The following SLIT2 variants were observed in gnomAD, a reference collection of about 807,000 sequenced individuals.
SLIT2 encodes the protein slit guidance ligand 2, also known as slit homolog 2 protein.
SLIT2 carries 41 observed loss-of-function variants against 185.7 expected under a neutral mutation model. The observed-to-expected ratio is 0.22, with a 90% CI of 0.17 to 0.29. The LOEUF (loss-of-function observed/expected upper bound fraction) is 0.29. Ranked by LOEUF, SLIT2 falls within the 10% of genes least tolerant of loss-of-function variation. SLIT2 has a pLI of 1.00. For missense variants in SLIT2, 1,571 were observed against 1,909.0 expected (o/e 0.82, Z 3.30); for synonymous variants, 693 against 680.2 (o/e 1.02, Z -0.29).
chr4:20,253,901 C>T lies in SLIT2; in HGVS notation c.86C>T (p.Pro29Leu), dbSNP rs377746618. The T allele has an allele frequency of 1.9e-5, 31 of 1,601,646 alleles. No individual in the cohort carries two copies. The highest frequency in any genetic ancestry group is 2.5e-5 in the Non-Finnish European group (29 of 1,179,914). ...AACAAGGTGGCACCGCAGGCGTGCC[C>T]GGCGCAGTGCTCTTGCTCGGGCAGC... ...ILNKVAPQAC[P>L]AQCSCSGSTV... is the part of the protein sequence containing the mutation. Residue 29 changes from proline (P) to leucine (L), a missense_variant, in exon 1 of 37, where the codon CCG becomes CTG. Around this residue, in one of 3 missense-constraint regions of SLIT2, gnomAD observed 1,202 missense variants for 1,416.4 expected, o/e 0.85. Coordinates refer to ENST00000504154, the MANE Select transcript of SLIT2 (RefSeq NM_004787.4).
At chr4:20,551,790 C>G (rs556198109) in intron 25 of SLIT2, among the ~76,000 whole-genome samples, 1 of 152,220 alleles carries the variant, frequency 6.6e-6, no homozygotes, top group South Asian at 2.1e-4. Context: ...TACGATTTTA[C>G]AAAATTGAGA....
chr4:20,499,950 T>C lies in SLIT2; in HGVS notation c.914+8051T>C, dbSNP rs186866401. Reference sequence around the variant, plus strand: ...GTAATATTTCAATCAGCAGAATATCTATCATGCTATGCAAGTAGTTTATTT... The same window carrying C: ...GTAATATTTCAATCAGCAGAATATCCATCATGCTATGCAAGTAGTTTATTT... On this transcript the variant is annotated intron_variant, in intron 9 of 36. Coordinates refer to ENST00000504154, the MANE Select transcript of SLIT2 (RefSeq NM_004787.4). 4.7e-4 allele frequency among the ~76,000 whole-genome samples: 71 copies of C among 152,110 alleles called. 1 individual carries two copies. Among genetic ancestry groups the C allele is most frequent in the African/African-American group, 1.4e-3 (60 of 41,554 alleles).
intron 11 of SLIT2, among the ~76,000 whole-genome samples, chr4:20,511,779 A>G (rs939868151): frequency 6.6e-6 from 1 of 151,738 alleles, no homozygotes; most frequent in African/African-American, 2.4e-5. Context: ...GAAAGCATGT[A>G]GCTAGTATCT....
intron 4 of SLIT2, among the ~76,000 whole-genome samples, chr4:20,336,332 C>A (rs1720494754): frequency 6.6e-6 from 1 of 152,100 alleles, no homozygotes. Flanking sequence ...ACATATACAC[C>A]ATGGAATACT....
chr4:20,503,568 T>C (rs957219848), intron 9 of SLIT2, among the ~76,000 whole-genome samples: 2 of 117,534 alleles, frequency 1.7e-5, no homozygotes, highest in African/African-American at 6.4e-5. Context: ...GCCCATTTTT[T>C]TTCCCCGAGT....
intron 36 of SLIT2, among the ~76,000 whole-genome samples, chr4:20,618,468 C>G (rs1276230585): frequency 1.3e-5 from 2 of 152,146 alleles, no homozygotes; most frequent in African/African-American, 4.8e-5. Context: ...AGTGTAAAAA[C>G]AGAAGATGTG....
At position 20,611,179 on chromosome 4, in the gene SLIT2, T is replaced by C. The variant is rs1046684042; in HGVS notation, c.3847+1012T>C. On this transcript the variant is annotated intron_variant, in intron 34 of 36. Transcript: ENST00000504154. Reference sequence around the variant, plus strand: ...AATTTCATCACCATGACAGATATTTTCATGAGTTTCACATCATTTTCTGAA... The same window carrying C: ...AATTTCATCACCATGACAGATATTTCCATGAGTTTCACATCATTTTCTGAA... 3.3e-5 allele frequency among the ~76,000 whole-genome samples: 5 copies of C among 152,230 alleles called. No homozygotes were observed. The East Asian group carries it at 9.6e-4, about 29-fold the overall frequency.
At chr4:20,378,251 T>G (rs549022379) in intron 4 of SLIT2, among the ~76,000 whole-genome samples, 186 of 152,292 alleles carry the variant, frequency 1.2e-3, no homozygotes, top group Non-Finnish European at 1.7e-3. Flanking sequence ...TTTGCAAGTT[T>G]CACATAATAG....
chr4:20,560,030 A>C (rs932786293), intron 26 of SLIT2, among the ~76,000 whole-genome samples: 1 of 152,074 alleles, frequency 6.6e-6, no homozygotes, highest in Admixed American at 6.6e-5. Context: ...TATACTATTA[A>C]GCATATATGC....
At chr4:20,472,380 A>ATATC (rs1202671174) in intron 5 of SLIT2, among the ~76,000 whole-genome samples, 6 of 37,458 alleles carry the variant, frequency 1.6e-4, no homozygotes, top group African/African-American at 2.4e-4. Flanking sequence ...CTATATCTAT[A>ATATC]TATATGTAGA....
rs370321980 is a variant in SLIT2, at chr4:20,529,018, G to A, written c.1532G>A (p.Arg511His). 34 of 1,613,622 alleles carry A rather than the reference G, an allele frequency of 2.1e-5. No homozygotes were observed. Among genetic ancestry groups the A allele is most frequent in the South Asian group, 9.9e-5 (9 of 91,058 alleles). ...GATCTGGCTTGCCCTGAAAAGTGTC[G>A]CTGTGAAGGAACCACAGTAGATTGC... ...FADLACPEKC[R>H]CEGTTVDCSN... The change falls in exon 16 of 37, where the codon CGC (arginine) becomes CAC (histidine). Residue 511 changes from arginine to histidine, a missense_variant. Transcript: ENST00000504154.
chr4:20,614,631 G>C (rs1348439813), intron 34 of SLIT2, among the ~76,000 whole-genome samples: 1 of 151,880 alleles, frequency 6.6e-6, no homozygotes, highest in Non-Finnish European at 1.5e-5. Flanking sequence ...TACAAAATAA[G>C]CCAGGCGTGG....
At chr4:20,486,714 C>A (rs976105374) in intron 7 of SLIT2, among the ~76,000 whole-genome samples, 1 of 152,070 alleles carries the variant, frequency 6.6e-6, no homozygotes, top group East Asian at 1.9e-4. Context: ...ATTGTGTCAG[C>A]ATTTATATTT....
rs761371107 is a variant in SLIT2, at chr4:20,610,062, T to C, written c.3742T>C (p.Leu1248=). ...CTTCCACATTGTGGAACTACTTGCCTTGGATCAGAGTCTCTCTTTGTCCGT... is the reference window on the plus strand; with the variant it reads ...CTTCCACATTGTGGAACTACTTGCCCTGGATCAGAGTCTCTCTTTGTCCGT... ...GNFHIVELLA[L]DQSLSLSVDG... The change falls in exon 34 of 37, where the codon TTG becomes CTG. Residue 1248 remains leucine, a synonymous_variant. Transcript: ENST00000504154. 21 of 1,613,624 alleles carry C rather than the reference T, an allele frequency of 1.3e-5. 2 individuals carry two copies. The South Asian group carries it at 2.2e-4, about 17-fold the overall frequency.
rs576452289 is a variant in SLIT2, at chr4:20,603,991, C to A, written c.3692+5596C>A. Among the ~76,000 whole-genome samples, 90 of 152,252 alleles carry A rather than the reference C, an allele frequency of 5.9e-4. 1 individual carries two copies. Among genetic ancestry groups the A allele is most frequent in the Non-Finnish European group, 1.6e-4 (11 of 68,010 alleles). ...GGGCAGATTGCTTCATTTCTTTGTG[C>A]TTTATTTTCCTTATCTCAGTAAATG... On this transcript the variant is annotated intron_variant, in intron 33 of 36. Coordinates refer to ENST00000504154, the MANE Select transcript of SLIT2 (RefSeq NM_004787.4).
At chr4:20,402,287 A>G (rs1407937340) in intron 4 of SLIT2, among the ~76,000 whole-genome samples, 2 of 151,900 alleles carry the variant, frequency 1.3e-5, no homozygotes, top group Non-Finnish European at 2.9e-5. Context: ...CAGTGCACCT[A>G]AGAAAATTAA....
chr4:20,334,825 CAT>C (rs1432802205), intron 4 of SLIT2, among the ~76,000 whole-genome samples: 3 of 152,196 alleles, frequency 2.0e-5, no homozygotes, highest in South Asian at 2.1e-4. Context: ...TCAGTTTCCT[CAT>C]GTGTAAAATT....
intron 4 of SLIT2, among the ~76,000 whole-genome samples, chr4:20,379,961 A>G (rs1560370787): frequency 6.6e-6 from 1 of 152,284 alleles, no homozygotes; most frequent in South Asian, 2.1e-4. Flanking sequence ...GAAACTACCT[A>G]GAGACAGCTC....
chr4:20,554,327 CT>C (rs1169479265), intron 26 of SLIT2: 4 of 462,740 alleles, frequency 8.6e-6, no homozygotes, highest in African/African-American at 5.9e-5. Context: ...GGCCCTGTGG[CT>C]TCCTCATACC....
Sources: allele counts gnomAD v4.1 joint callset (sites outside exome capture counted in the v4.1 genomes callset), GRCh38; gene constraint gnomAD v4.1.1; regional missense constraint gnomAD v4.1.1; transcripts MANE v1.5; gene names NCBI Gene and HGNC (gene_info 2026-07-23, HGNC 2026-07-21).